Variants in PACRG observed in about 807,000 individuals in gnomAD.
The protein encoded by PACRG is parkin coregulated gene protein.
In PACRG, 29 loss-of-function variants were observed where a neutral mutation model predicts 29.7. The ratio of observed to expected loss-of-function variants is 0.98; its 90% CI spans 0.73 to 1.33. The LOEUF (loss-of-function observed/expected upper bound fraction) is 1.33, where lower values mean the gene tolerates loss of function less well. Among genes scored for constraint, PACRG ranks in the 40% most tolerant of loss-of-function variants. The probability of loss-of-function intolerance (pLI) is 0.00; values close to 1 mark genes in which losing one functional copy is unlikely to be tolerated. For synonymous variants in PACRG, 116 were observed against 118.7 expected, an observed-to-expected ratio of 0.98 and a Z score of 0.15; for missense variants, 279 against 316.2, an observed-to-expected ratio of 0.88 and a Z score of 0.89.
intron 4 of PACRG, among the ~76,000 whole-genome samples, chr6:163,182,324 T>G (rs1779712747): frequency 6.6e-6 from 1 of 152,240 alleles, no homozygotes; most frequent in African/African-American, 2.4e-5. Context: ...AGGCTTTCCT[T>G]AAATTGATAG....
chr6:163,151,003 A>G (rs958849577), intron 4 of PACRG, among the ~76,000 whole-genome samples: 1 of 152,210 alleles, frequency 6.6e-6, no homozygotes, highest in Non-Finnish European at 1.5e-5. Context: ...ATTGAAATAT[A>G]TTAAATTCCT....
chr6:163,243,056 C>T (rs1213339009), intron 4 of PACRG, among the ~76,000 whole-genome samples: 2 of 152,128 alleles, frequency 1.3e-5, no homozygotes, highest in East Asian at 3.8e-4. Flanking sequence ...TTTGTTTGAA[C>T]AAATAAATTA....
intron 4 of PACRG, among the ~76,000 whole-genome samples, chr6:163,140,524 C>A (rs575446760): frequency 6.6e-6 from 1 of 152,264 alleles, no homozygotes; most frequent in Non-Finnish European, 1.5e-5. Context: ...GAGTTGAGTG[C>A]AGACAGCCAC....
At chr6:162,794,450 G>T (rs1469523166) in intron 1 of PACRG, among the ~76,000 whole-genome samples, 1 of 151,960 alleles carries the variant, frequency 6.6e-6, no homozygotes, top group Non-Finnish European at 1.5e-5. Flanking sequence ...TTGTTAATGT[G>T]GACAAATTTA....
chr6:163,122,811 T>G (rs1816349086), intron 4 of PACRG, among the ~76,000 whole-genome samples: 1 of 152,046 alleles, frequency 6.6e-6, no homozygotes, highest in Non-Finnish European at 1.5e-5. Flanking sequence ...AGTTTGGAGG[T>G]ATACATACAT....
chr6:162,859,661 C>A (rs1272065207), intron 2 of PACRG, among the ~76,000 whole-genome samples: 1 of 152,138 alleles, frequency 6.6e-6, no homozygotes, highest in Non-Finnish European at 1.5e-5. Context: ...CCCTGAAGAC[C>A]CTCAAGTGAT....
At chr6:163,292,852 G>A (rs115225514) in intron 4 of PACRG, among the ~76,000 whole-genome samples, 5 of 152,160 alleles carry the variant, frequency 3.3e-5, no homozygotes, top group Non-Finnish European at 4.4e-5. Context: ...TGTTTCTTTC[G>A]ATTTCTTTAA....
chr6:163,112,745 A>AT (rs1422742711), intron 4 of PACRG, among the ~76,000 whole-genome samples: 3 of 152,284 alleles, frequency 2.0e-5, no homozygotes, highest in Admixed American at 1.3e-4. Flanking sequence ...ACAGAGAACA[A>AT]TTTTTTTAAA....
upstream of PACRG, chr6:162,727,675 T>C: frequency 6.3e-7 from 1 of 1,579,704 alleles, no homozygotes; most frequent in Non-Finnish European, 8.6e-7. Context: ...TCATGGTCAC[T>C]GGGTAGGTGG....
At chr6:163,267,570 T>C (rs1191515182) in intron 4 of PACRG, among the ~76,000 whole-genome samples, 1 of 152,240 alleles carries the variant, frequency 6.6e-6, no homozygotes, top group African/African-American at 2.4e-5. Context: ...AAGTATCTAC[T>C]ATAAGTCAAA....
chr6:162,974,035 A>G (rs1221929908), intron 2 of PACRG, among the ~76,000 whole-genome samples: 3 of 152,170 alleles, frequency 2.0e-5, no homozygotes, highest in African/African-American at 7.2e-5. Context: ...ATGTTAGTGG[A>G]AAGTTCTGGA....
rs552700624 is a variant in PACRG at position 162,930,597 on chromosome 6, A to T, written c.291+116316A>T. ...TGCCCTTTGTTTATTTCTCTTACCTAATTGCTGTAGCCAGGACTTCCATTA... is the reference window on the plus strand; with the variant it reads ...TGCCCTTTGTTTATTTCTCTTACCTTATTGCTGTAGCCAGGACTTCCATTA... On this transcript the variant is annotated intron_variant, in intron 2 of 4. Coordinates refer to ENST00000366888, the MANE Select transcript of PACRG (RefSeq NM_001080379.2). Among the ~76,000 whole-genome samples, 31 of 151,900 alleles carry T rather than the reference A, an allele frequency of 2.0e-4. 1 individual carries two copies. In the South Asian group the frequency reaches 4.6e-3, roughly 22 times the overall value.
chr6:163,286,970 A>G (rs1784423752), intron 4 of PACRG, among the ~76,000 whole-genome samples: 1 of 150,906 alleles, frequency 6.6e-6, no homozygotes, highest in South Asian at 2.1e-4. Context: ...AGATATGTGT[A>G]TATGTGTTTG....
chr6:162,988,152 C>A (rs1803069695), intron 2 of PACRG, among the ~76,000 whole-genome samples: 1 of 152,164 alleles, frequency 6.6e-6, no homozygotes, highest in African/African-American at 2.4e-5. Flanking sequence ...TATGAGTCTC[C>A]ACATGCTTTT....
chr6:163,181,448 C>T (rs929215753), intron 4 of PACRG, among the ~76,000 whole-genome samples: 1 of 151,872 alleles, frequency 6.6e-6, no homozygotes, highest in East Asian at 1.9e-4. Flanking sequence ...TGTGAGTCCC[C>T]GGAGATGAAC....
intron 4 of PACRG, among the ~76,000 whole-genome samples, chr6:163,167,590 A>G (rs1205903206): frequency 6.6e-6 from 1 of 152,242 alleles, no homozygotes; most frequent in Non-Finnish European, 1.5e-5. Flanking sequence ...AAATCTAGCT[A>G]AATGAAGGAG....
intron 4 of PACRG, among the ~76,000 whole-genome samples, chr6:163,106,364 A>G (rs903446473): frequency 2.6e-5 from 4 of 152,214 alleles, no homozygotes; most frequent in Non-Finnish European, 5.9e-5. Flanking sequence ...AACTAGCAGT[A>G]ATAAACTAAT....
intron 4 of PACRG, among the ~76,000 whole-genome samples, chr6:163,232,430 T>C (rs1782081936): frequency 6.6e-6 from 1 of 151,816 alleles, no homozygotes; most frequent in African/African-American, 2.4e-5. Context: ...CTTACTTTGT[T>C]TAGTAAGAAG....
chr6:163,025,642 C>T (rs1807056538), intron 2 of PACRG, among the ~76,000 whole-genome samples: 1 of 152,184 alleles, frequency 6.6e-6, no homozygotes, highest in South Asian at 2.1e-4. Flanking sequence ...ATATTAAACC[C>T]AGCATAGTTA....
Sources: gnomAD v4.1 joint callset for allele counts (sites outside exome capture counted in the v4.1 genomes callset) on GRCh38, gnomAD v4.1.1 for gene constraint, MANE v1.5 for transcripts, NCBI Gene and HGNC (gene_info 2026-07-23, HGNC 2026-07-21) for gene names.